The following WDR33 variants were observed in gnomAD, a reference collection of about 807,000 sequenced individuals.
The protein encoded by WDR33 is WD repeat domain 33.
A neutral mutation model predicts 164.9 loss-of-function variants in WDR33; 47 were observed. That is an observed-to-expected ratio of 0.29 (90% CI 0.23 to 0.36). The LOEUF (loss-of-function observed/expected upper bound fraction) is 0.36. Ranked by LOEUF, WDR33 falls within the 10% of genes least tolerant of loss-of-function variation. WDR33 has a pLI of 1.00. For synonymous variants in WDR33, 505 were observed against 589.0 expected (o/e 0.86, Z 2.06); for missense variants, 1,137 against 1,754.1 (o/e 0.65, Z 6.28).
Position 127,717,292 on chromosome 2 carries a change from T to A in WDR33, c.2761-29A>T, listed in dbSNP as rs1436023775. 4.6e-6 allele frequency: 7 copies of A among 1,523,086 alleles called. No homozygotes were observed. Among genetic ancestry groups the A allele is most frequent in the Non-Finnish European group, 6.2e-6 (7 of 1,134,856 alleles). The allele number at this position is 1,523,086 out of a possible 1,614,324, so 94.3% of individuals were successfully genotyped here. ...AAAATATGTTTTTAAAGTAAGGGTA[T>A]GAAATCACAGGCTTGAGCTACATAA... On this transcript the variant is annotated intron_variant, in intron 16 of 21. Transcript: ENST00000322313. The surrounding 1 kb of genome is among the most constrained non-coding windows in gnomAD (Gnocchi z 5.6).
At chr2:127,732,218 A>C (rs1029232095) in intron 7 of WDR33, among the ~76,000 whole-genome samples, 1 of 152,122 alleles carries the variant, frequency 6.6e-6, no homozygotes, top group African/African-American at 2.4e-5. Flanking sequence ...GTATAAAATA[A>C]TACTTAAGCT....
chr2:127,770,668 G>A lies in WDR33; in HGVS notation c.204+110C>T. The A allele has an allele frequency of 4.9e-6, 4 of 817,490 alleles. No individual in the cohort carries two copies. The highest frequency in any genetic ancestry group is 6.5e-6 in the Non-Finnish European group (4 of 616,550). The allele number at this position is 817,490 out of a possible 1,614,324, so 50.6% of individuals were successfully genotyped here. A position where few individuals can be genotyped will look rare whatever the true frequency, so the allele number is the denominator to read the frequency against. On this transcript the variant is annotated intron_variant, in intron 2 of 21. Transcript: ENST00000322313. This position sits in a 1 kb window ranked among gnomAD's most constrained non-coding sequence, Gnocchi z 4.9. ...ACCACACCACTGCACTCTGGCCTGG[G>A]CAACAAGAAAGAAACTCCATCTCAA...
Position 127,701,314 on chromosome 2 carries a change from G to A in WDR33, c.*5009C>T, listed in dbSNP as rs1333385572. On this transcript the variant is annotated 3_prime_UTR_variant, in exon 22 of 22. Transcript: ENST00000322313. Reference sequence around the variant, plus strand: ...GAACAAGGAAGAGGGTCAGGCGCTGGGAGGGCGACTGCAAGCGGACAGGCA... The same window carrying A: ...GAACAAGGAAGAGGGTCAGGCGCTGAGAGGGCGACTGCAAGCGGACAGGCA... The A allele has an allele frequency of 2.7e-6, 1 of 376,950 alleles. No homozygotes were observed. The highest frequency in any genetic ancestry group is 4.6e-6 in the Non-Finnish European group (1 of 217,786). The allele number at this position is 376,950 out of a possible 1,614,324, so 23.4% of individuals were successfully genotyped here.
Position 127,704,756 on chromosome 2 carries a change from C to T in WDR33, c.*1567G>A, listed in dbSNP as rs1390730654. 1.2e-5 allele frequency: 2 copies of T among 167,026 alleles called. No homozygotes were observed. Among genetic ancestry groups the T allele is most frequent in the African/African-American group, 4.8e-5 (2 of 41,424 alleles). The allele number at this position is 167,026 out of a possible 1,614,324, so 10.3% of individuals were successfully genotyped here. A position where few individuals can be genotyped will look rare whatever the true frequency, so the allele number is the denominator to read the frequency against. On this transcript the variant is annotated 3_prime_UTR_variant, in exon 22 of 22. Coordinates refer to ENST00000322313, the MANE Select transcript of WDR33 (RefSeq NM_018383.5). ...AGTTAAATTTTCATATCCTGTTAAA[C>T]TATATCAGTATGCCTTTTCTAAGCA...
intron 7 of WDR33, among the ~76,000 whole-genome samples, chr2:127,744,020 A>T (rs1190736923): frequency 6.6e-6 from 1 of 152,166 alleles, no homozygotes; most frequent in Non-Finnish European, 1.5e-5. Flanking sequence ...GGCTGGAGGA[A>T]AGACTTTTTA....
At chr2:127,777,339 C>A (rs761399631) in intron 1 of WDR33, among the ~76,000 whole-genome samples, 1 of 152,144 alleles carries the variant, frequency 6.6e-6, no homozygotes, top group Non-Finnish European at 1.5e-5. Context: ...AGTTTTCAGA[C>A]TTTGTGGTGC....
Position 127,708,942 on chromosome 2 carries a change from G to T in WDR33, c.3566-50C>A, listed in dbSNP as rs1479342330. ...ACAGGAAAGCACAGTGTGACCAGAA[G>T]TAGATGGGAATGACACTGTGAGAGT... On this transcript the variant is annotated intron_variant, in intron 20 of 21. Coordinates refer to ENST00000322313, the MANE Select transcript of WDR33 (RefSeq NM_018383.5). The surrounding 1 kb of genome is among the most constrained non-coding windows in gnomAD (Gnocchi z 6.7). 1 of 1,485,476 alleles carries T rather than the reference G, an allele frequency of 6.7e-7. No homozygotes were observed. 92.0% of individuals were successfully genotyped at this position (1,485,476 alleles called of 1,614,324 possible). A position where few individuals can be genotyped will look rare whatever the true frequency, so the allele number is the denominator to read the frequency against.
chr2:127,736,924 T>C, intron 7 of WDR33: 1 of 985,370 alleles, frequency 1.0e-6, no homozygotes, highest in Non-Finnish European at 1.2e-6. Flanking sequence ...TAGAAAAATC[T>C]TGAGAATTAT....
intron 1 of WDR33, among the ~76,000 whole-genome samples, chr2:127,773,121 A>C (rs1157939252): frequency 6.6e-6 from 1 of 152,176 alleles, no homozygotes; most frequent in Non-Finnish European, 1.5e-5. Flanking sequence ...GGGTGACAGA[A>C]CAAGACCCTG....
At chr2:127,806,375 T>G (rs1037619915) in intron 1 of WDR33, among the ~76,000 whole-genome samples, 1 of 151,916 alleles carries the variant, frequency 6.6e-6, no homozygotes, top group Non-Finnish European at 1.5e-5. Context: ...ACCCGGCTAA[T>G]TTTTGTATTT....
At chr2:127,801,775 T>A (rs1558965047) in intron 1 of WDR33, among the ~76,000 whole-genome samples, 1 of 152,034 alleles carries the variant, frequency 6.6e-6, no homozygotes, top group Non-Finnish European at 1.5e-5. Flanking sequence ...TGCCAGCTAC[T>A]CGGGAGACTG....
At chr2:127,748,378 A>G (rs1400251049) in intron 7 of WDR33, among the ~76,000 whole-genome samples, 1 of 152,232 alleles carries the variant, frequency 6.6e-6, no homozygotes, top group Non-Finnish European at 1.5e-5. Context: ...AAATACTAAC[A>G]GTGAAATGAA....
At chr2:127,786,392 C>T (rs1021700125) in intron 1 of WDR33, among the ~76,000 whole-genome samples, 3 of 152,190 alleles carry the variant, frequency 2.0e-5, no homozygotes, top group Admixed American at 2.0e-4. Flanking sequence ...TATAGAAATA[C>T]AATATTTTGG....
Position 127,717,280 on chromosome 2 carries a change from A to G in WDR33, c.2761-17T>C. The G allele has an allele frequency of 6.5e-7, 1 of 1,548,320 alleles. No homozygotes were observed. The highest frequency in any genetic ancestry group is 2.1e-5 in the Admixed American group (1 of 46,966). Reference sequence around the variant, plus strand: ...CTGTCCTTCCTGAAAATATGTTTTTAAAGTAAGGGTATGAAATCACAGGCT... The same window carrying G: ...CTGTCCTTCCTGAAAATATGTTTTTGAAGTAAGGGTATGAAATCACAGGCT... On this transcript the variant is annotated splice_polypyrimidine_tract_variant and intron_variant, in intron 16 of 21. Coordinates refer to ENST00000322313, the MANE Select transcript of WDR33 (RefSeq NM_018383.5). The surrounding 1 kb of genome is among the most constrained non-coding windows in gnomAD (Gnocchi z 5.6).
chr2:127,707,246 GAAA>G (rs1003306994), intron 21 of WDR33, among the ~76,000 whole-genome samples: 27 of 131,602 alleles, frequency 2.1e-4, no homozygotes, highest in African/African-American at 6.6e-4. Flanking sequence ...AAAAAAAAAA[GAAA>G]AAAAAGAAAG....
At chr2:127,754,539 C>T (rs933306755) in intron 7 of WDR33, among the ~76,000 whole-genome samples, 1 of 151,858 alleles carries the variant, frequency 6.6e-6, no homozygotes, top group South Asian at 2.1e-4. Context: ...CTGCCTCAGC[C>T]TTCTGAGTAG....
chr2:127,715,491 A>G (rs1272887925), intron 17 of WDR33, among the ~76,000 whole-genome samples: 1 of 152,118 alleles, frequency 6.6e-6, no homozygotes, highest in Non-Finnish European at 1.5e-5. Flanking sequence ...GCCATAAAGG[A>G]GTCTCTCTCT....
In WDR33 at chr2:127,735,226, T is replaced by G. The variant is rs1224440738; in HGVS notation, c.725-8449A>C. Among the ~76,000 whole-genome samples the G allele has an allele frequency of 6.6e-6, 1 of 151,648 alleles. No individual in the cohort carries two copies. The highest frequency in any genetic ancestry group is 1.5e-5 in the Non-Finnish European group (1 of 68,028). On this transcript the variant is annotated intron_variant, in intron 7 of 21. Coordinates refer to ENST00000322313, the MANE Select transcript of WDR33 (RefSeq NM_018383.5). This position sits in a 1 kb window ranked among gnomAD's most constrained non-coding sequence, Gnocchi z 4.3. ...GGCTTCTGTGAAACTGGATGTAAAC[T>G]TTGTGCCCTGTGCATTTTTCTCAGG...
At chr2:127,737,143 A>G (rs1686868431) in intron 7 of WDR33, 1 of 985,406 alleles carries the variant, frequency 1.0e-6, no homozygotes, top group Non-Finnish European at 1.2e-6. Flanking sequence ...TTTAAAGGCT[A>G]CTTTGCAGAG....
Sources: gnomAD v4.1 joint callset for allele counts (sites outside exome capture counted in the v4.1 genomes callset) on GRCh38, gnomAD v4.1.1 for gene constraint, Gnocchi (gnomAD v3.1) non-coding constraint, MANE v1.5 for transcripts, NCBI Gene and HGNC (gene_info 2026-07-23, HGNC 2026-07-21) for gene names.